Variants in NHEJ1 observed in about 807,000 individuals in gnomAD.
NHEJ1 encodes the protein non-homologous end joining factor 1.
In NHEJ1, 22 loss-of-function variants were observed where a neutral mutation model predicts 39.4. The observed-to-expected ratio is 0.56, with a 90% CI of 0.40 to 0.80. The LOEUF is 0.80. NHEJ1 is among the 30% of genes least tolerant of loss of function. The pLI is 0.00. For missense variants in NHEJ1, 329 were observed against 357.1 expected (o/e 0.92, Z 0.63); for synonymous variants, 154 against 135.6 (o/e 1.14, Z -0.94).
chr2:219,102,610 G>A (rs1460055356), intron 5 of NHEJ1: 2 of 152,018 alleles, frequency 1.3e-5, no homozygotes, highest in African/African-American at 4.8e-5. Context: ...AAGGAAGGGT[G>A]AACCAACACA....
At chr2:219,157,732 A>T (rs1471987247) in intron 2 of NHEJ1, 48 bp from the exon 3 acceptor site, 2 of 1,477,370 alleles carry the variant, frequency 1.4e-6, no homozygotes, top group South Asian at 2.4e-5. Context: ...AAGGAAACTA[A>T]TTCCCTCATA....
intron 5 of NHEJ1, among the ~76,000 whole-genome samples, chr2:219,094,248 C>A (rs1949186267): frequency 2.0e-5 from 3 of 151,970 alleles, no homozygotes; most frequent in African/African-American, 7.3e-5. Flanking sequence ...ACTTACTAGC[C>A]ATTAAAAAGA....
chr2:219,157,503 T>C lies in NHEJ1; in HGVS notation c.359A>G (p.Asn120Ser). The C allele has an allele frequency of 6.2e-7, 1 of 1,614,036 alleles. No individual in the cohort carries two copies. The highest frequency in any genetic ancestry group is 8.5e-7 in the Non-Finnish European group (1 of 1,180,028). ...SELSGLPFYW[N>S]FHCMLASPSL... ...AGGACTAGCTAGCATGCAGTGGAAA[T>C]TCCAATAGAAGGGGAGGCCAGAGAG... Residue 120 changes from asparagine to serine, a missense_variant, in exon 3 of 8, where the codon AAT becomes AGT. By Grantham distance (46) the Asn-to-Ser change is conservative. Transcript: ENST00000356853.
At chr2:219,083,363 A>G (rs1949082868) in intron 5 of NHEJ1, among the ~76,000 whole-genome samples, 1 of 152,128 alleles carries the variant, frequency 6.6e-6, no homozygotes, top group African/African-American at 2.4e-5. Context: ...GGAAAGATGA[A>G]CCCAACATGC....
At chr2:219,123,120 T>G (rs114471497) in intron 5 of NHEJ1, among the ~76,000 whole-genome samples, 2,157 of 152,226 alleles carry the variant, frequency 0.014, 57 homozygotes, top group South Asian at 0.091. Flanking sequence ...AGAAAAACAC[T>G]GGTAGGGATA....
chr2:219,122,084 C>A (rs1359934404), intron 5 of NHEJ1, among the ~76,000 whole-genome samples: 1 of 152,148 alleles, frequency 6.6e-6, no homozygotes, highest in Admixed American at 6.5e-5. Context: ...GCAAGAAGTT[C>A]TATTCAACAA....
intron 5 of NHEJ1, among the ~76,000 whole-genome samples, chr2:219,114,848 A>G (rs1266305895): frequency 6.6e-6 from 1 of 152,172 alleles, no homozygotes; most frequent in African/African-American, 2.4e-5. Context: ...TAGAGAGGCA[A>G]ATAAGGAAAC....
At chr2:219,159,552 CATATATATATGCAT>C (rs747107160) in intron 1 of NHEJ1, among the ~76,000 whole-genome samples, 1 of 66,368 alleles carries the variant, frequency 1.5e-5, no homozygotes, top group Non-Finnish European at 2.7e-5. Context: ...TATATATATG[CATATATATATGCAT>C]ATATATATGC....
intron 5 of NHEJ1, among the ~76,000 whole-genome samples, chr2:219,127,683 A>T (rs974351757): frequency 6.6e-6 from 1 of 152,258 alleles, no homozygotes; most frequent in Non-Finnish European, 1.5e-5. Context: ...ACAGGTGATC[A>T]ATCTGAAAGG....
intron 5 of NHEJ1, among the ~76,000 whole-genome samples, chr2:219,139,913 T>C (rs1949674166): frequency 6.6e-6 from 1 of 152,230 alleles, no homozygotes; most frequent in East Asian, 1.9e-4. Flanking sequence ...TTTCCTGACC[T>C]CATGATCCAT....
chr2:219,148,033 T>G (rs545156380), intron 3 of NHEJ1, among the ~76,000 whole-genome samples: 31 of 152,200 alleles, frequency 2.0e-4, no homozygotes, highest in African/African-American at 7.2e-4. Context: ...CCAGGGCGGG[T>G]GGGTCACTTG....
At chr2:219,087,466 T>C (rs1296319429) in intron 5 of NHEJ1, among the ~76,000 whole-genome samples, 2 of 151,968 alleles carry the variant, frequency 1.3e-5, no homozygotes, top group Non-Finnish European at 2.9e-5. Context: ...CCCTGCAGTA[T>C]TCTCTGTAGG....
intron 5 of NHEJ1, among the ~76,000 whole-genome samples, chr2:219,096,462 C>G (rs1482124068): frequency 1.3e-5 from 2 of 152,022 alleles, no homozygotes; most frequent in Non-Finnish European, 2.9e-5. Context: ...ACAGAACATA[C>G]AAAAATCCCT....
chr2:219,157,129 T>C (rs1279181714), intron 3 of NHEJ1, among the ~76,000 whole-genome samples: 2 of 152,238 alleles, frequency 1.3e-5, no homozygotes, highest in Non-Finnish European at 2.9e-5. Flanking sequence ...GAACCTATCA[T>C]ACTTTATCAT....
chr2:219,123,184 A>G (rs1163326578), intron 5 of NHEJ1, among the ~76,000 whole-genome samples: 1 of 152,226 alleles, frequency 6.6e-6, no homozygotes, highest in African/African-American at 2.4e-5. Context: ...TGACAGTCAG[A>G]TCACATAGGA....
rs1299719168 is a variant in NHEJ1 at position 219,159,543 on chromosome 2, A to T, written c.-1+1177T>A. On this transcript the variant is annotated intron_variant, in intron 1 of 7. Transcript: ENST00000356853. ...TATATATGCATATATATATGCATAT[A>T]TATATATGCATATATATATGCATAT... 1.4e-4 allele frequency among the ~76,000 whole-genome samples: 2 copies of T among 14,572 alleles called. 1 individual carries two copies. The highest frequency in any genetic ancestry group is 1.4e-3 in the Admixed American group (2 of 1,428). The allele number at this position is 14,572 out of a possible 152,430, so 9.6% of individuals were successfully genotyped here.
rs550093582 is a variant in NHEJ1 at position 219,142,210 on chromosome 2, G to T, written c.588+4470C>A. Reference sequence around the variant, plus strand: ...AATGCAGCAGTAAGAACGACTGCAGGGAAGAGAAGAGAAGAGAAGAGGAGA... The same window carrying T: ...AATGCAGCAGTAAGAACGACTGCAGTGAAGAGAAGAGAAGAGAAGAGGAGA... On this transcript the variant is annotated intron_variant, in intron 5 of 7. Coordinates refer to ENST00000356853, the MANE Select transcript of NHEJ1 (RefSeq NM_024782.3). 2.6e-4 allele frequency among the ~76,000 whole-genome samples: 39 copies of T among 151,550 alleles called. 2 individuals carry two copies. The South Asian group carries it at 8.1e-3, about 32-fold the overall frequency.
At chr2:219,159,799 C>A (rs1386389424) in intron 1 of NHEJ1, among the ~76,000 whole-genome samples, 1 of 151,802 alleles carries the variant, frequency 6.6e-6, no homozygotes, top group Non-Finnish European at 1.5e-5. Flanking sequence ...TCGCCACTTT[C>A]ATCTCCCTTA....
Position 219,073,854 on chromosome 2 carries a change from G to C in NHEJ1, c.*2527C>G, listed in dbSNP as rs1243624326. Among the ~76,000 whole-genome samples, 1 of 152,242 alleles carries C rather than the reference G, an allele frequency of 6.6e-6. No homozygotes were observed. The highest frequency in any genetic ancestry group is 1.5e-5 in the Non-Finnish European group (1 of 68,042). The stretch of plus-strand genomic sequence containing the variant: ...TTTACGGAATAAAATTTATGGAGCA[G>C]CCACGAGAATTCGACCCTTTTATGT... On this transcript the variant is annotated 3_prime_UTR_variant, in exon 8 of 8. Transcript: ENST00000356853.
Sources: allele counts gnomAD v4.1 joint callset (sites outside exome capture counted in the v4.1 genomes callset), GRCh38; gene constraint gnomAD v4.1.1; transcripts MANE v1.5; gene names NCBI Gene and HGNC (gene_info 2026-07-23, HGNC 2026-07-21).